The following ZFHX3 variants were observed in gnomAD, a reference collection of about 807,000 sequenced individuals.
ZFHX3 encodes the protein zinc finger homeobox protein 3.
A neutral mutation model predicts 279.1 loss-of-function variants in ZFHX3; 42 were observed. The ratio of observed to expected loss-of-function variants is 0.15; its 90% CI spans 0.12 to 0.19. The LOEUF (loss-of-function observed/expected upper bound fraction) is 0.19, where lower values mean the gene tolerates loss of function less well. ZFHX3 is among the 10% of genes least tolerant of loss of function. ZFHX3 has a pLI of 1.00. For synonymous variants in ZFHX3, 2,293 were observed against 1,957.8 expected (o/e 1.17, Z -4.52); for missense variants, 4,981 against 4,754.0 (o/e 1.05, Z -1.40).
At chr16:73,066,717 G>C (rs1226131717) in intron 8 of ZFHX3, among the ~76,000 whole-genome samples, 1 of 152,178 alleles carries the variant, frequency 6.6e-6, no homozygotes, top group Non-Finnish European at 1.5e-5. Context: ...CGCGGCGAGG[G>C]GCGCACCTCG....
At chr16:73,205,366 C>G (rs187865069) in intron 5 of ZFHX3, among the ~76,000 whole-genome samples, 1 of 152,066 alleles carries the variant, frequency 6.6e-6, no homozygotes, top group Admixed American at 6.6e-5. Flanking sequence ...TTTCTGATGG[C>G]GCAACACAAG....
intron 4 of ZFHX3, among the ~76,000 whole-genome samples, chr16:72,873,632 G>C (rs1443988952): frequency 6.6e-6 from 1 of 152,052 alleles, no homozygotes; most frequent in African/African-American, 2.4e-5. Flanking sequence ...TACACTTCAA[G>C]TTCGCCAATT....
chr16:73,535,930 G>A (rs6564306), intron 2 of ZFHX3, among the ~76,000 whole-genome samples: 6,120 of 151,936 alleles, frequency 0.04, 423 homozygotes, highest in African/African-American at 0.14. Flanking sequence ...CACCATGTTA[G>A]CCAGGATGGT....
chr16:73,534,943 C>T (rs1018669165), intron 2 of ZFHX3, among the ~76,000 whole-genome samples: 2 of 152,088 alleles, frequency 1.3e-5, no homozygotes, highest in East Asian at 1.9e-4. Flanking sequence ...GCTGTTAGTG[C>T]CCTTTTCACG....
rs889993305 is a variant in ZFHX3, at chr16:73,456,517, T to G, written c.-1546-259A>C. On this transcript the variant is annotated intron_variant, in intron 2 of 17. Transcript: ENST00000641206. ...GCGTCCTTGGTGAATGTTACTTTCT[T>G]TACACAGAACGCTTACCACTAACGA... 9.9e-5 allele frequency among the ~76,000 whole-genome samples: 15 copies of G among 152,232 alleles called. 1 individual carries two copies. The highest frequency in any genetic ancestry group is 1.9e-4 in the East Asian group (1 of 5,164).
At chr16:72,944,735 A>G (rs530478486) in intron 3 of ZFHX3, among the ~76,000 whole-genome samples, 1 of 152,340 alleles carries the variant, frequency 6.6e-6, no homozygotes, top group Admixed American at 6.5e-5. Context: ...TTACTAGCTT[A>G]CACTTGAGGT....
chr16:73,164,087 C>T (rs1967305103), intron 5 of ZFHX3, among the ~76,000 whole-genome samples: 1 of 152,080 alleles, frequency 6.6e-6, no homozygotes, highest in African/African-American at 2.4e-5. Flanking sequence ...TATAGGGAGC[C>T]CACAGGAGAA....
chr16:73,724,568 G>C (rs1015384750), intron 1 of ZFHX3, among the ~76,000 whole-genome samples: 3 of 152,168 alleles, frequency 2.0e-5, no homozygotes, highest in African/African-American at 7.2e-5. Context: ...GTAGGCATTT[G>C]AGTTTGGTAC....
intron 2 of ZFHX3, among the ~76,000 whole-genome samples, chr16:73,652,676 T>C (rs956566848): frequency 6.6e-6 from 1 of 152,152 alleles, no homozygotes; most frequent in Admixed American, 6.5e-5. Flanking sequence ...GTTAAAGGTA[T>C]TGATTAGCTG....
In ZFHX3 at chr16:73,528,455, A is replaced by C. The variant is rs144523270; in HGVS notation, c.-1546-72197T>G. On this transcript the variant is annotated intron_variant, in intron 2 of 17. Coordinates refer to the ZFHX3 transcript ENST00000641206. ...ATTGAGGATGCAAAAACACCGTAAG[A>C]GGTAGAAAAATGTATTCAATATGGT... Among the ~76,000 whole-genome samples the C allele has an allele frequency of 3.3e-4, 50 of 152,326 alleles. No individual in the cohort carries two copies. In the East Asian group the frequency reaches 9.5e-3, roughly 29 times the overall value.
At chr16:73,808,090 G>A (rs180772309) in intron 1 of ZFHX3, among the ~76,000 whole-genome samples, 41 of 152,290 alleles carry the variant, frequency 2.7e-4, no homozygotes, top group African/African-American at 7.5e-4. Context: ...TCTATTAAGG[G>A]TGGGGCATGG....
intron 2 of ZFHX3, among the ~76,000 whole-genome samples, chr16:73,537,473 C>A (rs781182121): frequency 6.6e-6 from 1 of 151,994 alleles, no homozygotes; most frequent in East Asian, 1.9e-4. Flanking sequence ...CGTGCTGCCA[C>A]GCCCGGCTAA....
At chr16:73,400,478 C>CGGTG (rs1235898591) in intron 3 of ZFHX3, 1 of 152,192 alleles carries the variant, frequency 6.6e-6, no homozygotes, top group Non-Finnish European at 1.5e-5. Flanking sequence ...GTCCACAGCT[C>CGGTG]GGTCTCCACG....
chr16:73,575,072 C>A (rs1169955903), intron 2 of ZFHX3, among the ~76,000 whole-genome samples: 2 of 152,154 alleles, frequency 1.3e-5, no homozygotes, highest in African/African-American at 4.8e-5. Flanking sequence ...AAAACTAAGC[C>A]AGTGGCGCAC....
chr16:73,168,110 C>G (rs976534379), intron 5 of ZFHX3, among the ~76,000 whole-genome samples: 1 of 152,196 alleles, frequency 6.6e-6, no homozygotes, highest in African/African-American at 2.4e-5. Context: ...TGTAGAGCTA[C>G]TTCTGAATTC....
At chr16:73,327,665 A>G (rs918219496) in intron 3 of ZFHX3, among the ~76,000 whole-genome samples, 2 of 152,242 alleles carry the variant, frequency 1.3e-5, no homozygotes, top group Non-Finnish European at 2.9e-5. Flanking sequence ...TTGCCTTATC[A>G]TTCAAGAATA....
chr16:73,407,098 C>A (rs1311858377), intron 3 of ZFHX3, among the ~76,000 whole-genome samples: 1 of 152,122 alleles, frequency 6.6e-6, no homozygotes, highest in Non-Finnish European at 1.5e-5. Context: ...TTGGTTGTTA[C>A]AACTTGGGAG....
intron 2 of ZFHX3, among the ~76,000 whole-genome samples, chr16:73,597,967 T>C (rs778728221): frequency 6.6e-6 from 1 of 152,114 alleles, no homozygotes; most frequent in Non-Finnish European, 1.5e-5. Context: ...CTAGAGCACA[T>C]AGTGACATTA....
At chr16:73,321,849 C>CAGAGAGAG (rs140029593) in intron 3 of ZFHX3, among the ~76,000 whole-genome samples, 5 of 150,870 alleles carry the variant, frequency 3.3e-5, no homozygotes, top group African/African-American at 9.7e-5. Flanking sequence ...GAGAAAAAGA[C>CAGAGAGAG]AGAGAGAGAG....
Sources: gnomAD v4.1 joint callset for allele counts (sites outside exome capture counted in the v4.1 genomes callset) on GRCh38, gnomAD v4.1.1 for gene constraint, MANE v1.5 for transcripts, NCBI Gene and HGNC (gene_info 2026-07-23, HGNC 2026-07-21) for gene names.